The following LEKR1 variants were observed in gnomAD, a reference collection of about 807,000 sequenced individuals.
The protein encoded by LEKR1 is leucine, glutamate and lysine rich 1.
A neutral mutation model predicts 72.4 loss-of-function variants in LEKR1; 59 were observed. That is an observed-to-expected ratio of 0.82 (90% CI 0.66 to 1.01). The LOEUF is 1.01. Ranked by LOEUF, LEKR1 falls within the 50% of genes least tolerant of loss-of-function variation. The pLI is 0.00. For missense variants in LEKR1, 728 were observed against 759.2 expected (o/e 0.96, Z 0.48); for synonymous variants, 257 against 263.2 (o/e 0.98, Z 0.23).
chr3:157,042,330 C>T (rs1032669566), intron 12 of LEKR1, among the ~76,000 whole-genome samples: 12 of 152,134 alleles, frequency 7.9e-5, no homozygotes, highest in African/African-American at 2.4e-5. Context: ...GCAGCGGGCC[C>T]CAGGCAGTCA....
At chr3:156,874,514 C>T (rs547188344) in intron 3 of LEKR1, among the ~76,000 whole-genome samples, 53 of 150,032 alleles carry the variant, frequency 3.5e-4, no homozygotes, top group African/African-American at 1.3e-3. Flanking sequence ...TTTCCCTTGG[C>T]TTGTTATATG....
At chr3:156,844,330 A>G (rs1714299684) in intron 2 of LEKR1, among the ~76,000 whole-genome samples, 1 of 152,110 alleles carries the variant, frequency 6.6e-6, no homozygotes, top group Non-Finnish European at 1.5e-5. Context: ...CATGCAAGGT[A>G]AGAAATAACA....
chr3:156,879,952 TAA>T (rs1286022727), intron 3 of LEKR1, among the ~76,000 whole-genome samples: 1 of 152,208 alleles, frequency 6.6e-6, no homozygotes, highest in African/African-American at 2.4e-5. Context: ...TGTCTAGGCA[TAA>T]GTTTGCTGCA....
chr3:156,913,384 G>A (rs1723296384), intron 3 of LEKR1, among the ~76,000 whole-genome samples: 1 of 151,974 alleles, frequency 6.6e-6, no homozygotes, highest in African/African-American at 2.4e-5. Flanking sequence ...TCCTTTTTCT[G>A]TGGCTATTGT....
intron 3 of LEKR1, among the ~76,000 whole-genome samples, chr3:156,892,208 G>A (rs145361286): frequency 6.6e-6 from 1 of 152,210 alleles, no homozygotes; most frequent in East Asian, 1.9e-4. Context: ...TATGGCAATA[G>A]GTGTAAGATA....
chr3:157,001,126 G>A (rs546783059), intron 9 of LEKR1, among the ~76,000 whole-genome samples: 2 of 152,246 alleles, frequency 1.3e-5, no homozygotes, highest in South Asian at 4.1e-4. Context: ...CCCGTCTCAG[G>A]TATGTCTTTA....
chr3:156,878,429 C>T (rs926684604), intron 3 of LEKR1, among the ~76,000 whole-genome samples: 6 of 152,138 alleles, frequency 3.9e-5, no homozygotes, highest in African/African-American at 1.4e-4. Flanking sequence ...TGTACTTGTA[C>T]AGTTTTAAGC....
At chr3:156,908,772 CT>C (rs1722794727) in intron 3 of LEKR1, among the ~76,000 whole-genome samples, 1 of 119,314 alleles carries the variant, frequency 8.4e-6, no homozygotes, top group South Asian at 2.8e-4. Flanking sequence ...TGCTTCTGAG[CT>C]TTCATTTTTT....
Position 156,992,681 on chromosome 3 carries a change from C to G in LEKR1, c.856C>G (p.Gln286Glu). The G allele has an allele frequency of 9.8e-7, 1 of 1,016,722 alleles. No homozygotes were observed. The highest frequency in any genetic ancestry group is 1.2e-6 in the Non-Finnish European group (1 of 804,740). The allele number at this position is 1,016,722 out of a possible 1,614,324, so 63.0% of individuals were successfully genotyped here. Residue 286 changes from glutamine (Q) to glutamate (E), a missense_variant, in exon 8 of 13, where the codon CAA becomes GAA. Transcript: ENST00000356539. Reference protein sequence around the residue: ...MNKSNEADDCQRELKKLKFES... With the variant: ...MNKSNEADDCERELKKLKFES... ...TAAATCTAATGAAGCTGATGACTGT[C>G]AAAGAGAACTTAAAAAACTGAAGTT...
chr3:156,966,535 C>T (rs976846902), intron 6 of LEKR1, among the ~76,000 whole-genome samples: 1 of 152,184 alleles, frequency 6.6e-6, no homozygotes, highest in Non-Finnish European at 1.5e-5. Flanking sequence ...TCATTGCTAG[C>T]ACAGCAGTCT....
intron 6 of LEKR1, among the ~76,000 whole-genome samples, chr3:156,970,630 G>A (rs968431152): frequency 2.6e-5 from 4 of 152,088 alleles, no homozygotes; most frequent in Non-Finnish European, 4.4e-5. Flanking sequence ...AAGCTGATAG[G>A]CAACTTCAGC....
At chr3:156,833,010 A>G (rs1712622738) in intron 2 of LEKR1, among the ~76,000 whole-genome samples, 1 of 152,244 alleles carries the variant, frequency 6.6e-6, no homozygotes, top group Non-Finnish European at 1.5e-5. Context: ...TGGAGAAATC[A>G]CGTAGAGAGA....
At chr3:156,836,248 A>C (rs1713128586) in intron 2 of LEKR1, among the ~76,000 whole-genome samples, 1 of 152,082 alleles carries the variant, frequency 6.6e-6, no homozygotes, top group Non-Finnish European at 1.5e-5. Context: ...CAGAGTCATA[A>C]ATTTTGAGAA....
At chr3:156,885,167 G>T (rs978058338) in intron 3 of LEKR1, among the ~76,000 whole-genome samples, 1 of 152,032 alleles carries the variant, frequency 6.6e-6, no homozygotes, top group Non-Finnish European at 1.5e-5. Flanking sequence ...TTTCTCTGGA[G>T]AATTTTTCAT....
intron 11 of LEKR1, among the ~76,000 whole-genome samples, chr3:157,026,157 C>T (rs1206933549): frequency 1.3e-5 from 2 of 152,124 alleles, no homozygotes; most frequent in African/African-American, 4.8e-5. Context: ...GCCTTGGCTC[C>T]CCCAAGGTTC....
intron 1 of LEKR1, among the ~76,000 whole-genome samples, chr3:156,828,489 A>T (rs1331174661): frequency 1.2e-5 from 1 of 83,072 alleles, no homozygotes; most frequent in Admixed American, 1.4e-4. Flanking sequence ...CCTGCTATGG[A>T]ATTGTGCCTG....
At chr3:156,846,707 C>A (rs1714644352) in intron 2 of LEKR1, among the ~76,000 whole-genome samples, 1 of 152,198 alleles carries the variant, frequency 6.6e-6, no homozygotes, top group Non-Finnish European at 1.5e-5. Context: ...GTATTTCATA[C>A]TGCTATCACT....
intron 12 of LEKR1, among the ~76,000 whole-genome samples, chr3:157,037,861 G>T (rs2108044998): frequency 6.6e-6 from 1 of 152,220 alleles, no homozygotes; most frequent in South Asian, 2.1e-4. Flanking sequence ...AACACTCCAG[G>T]CAAAGGTAAT....
chr3:156,894,440 C>T (rs1363319426), intron 3 of LEKR1, among the ~76,000 whole-genome samples: 1 of 152,138 alleles, frequency 6.6e-6, no homozygotes, highest in Non-Finnish European at 1.5e-5. Flanking sequence ...TGCATCTATT[C>T]TTGGTGACTC....
Sources: gnomAD v4.1 joint callset for allele counts (sites outside exome capture counted in the v4.1 genomes callset) on GRCh38, gnomAD v4.1.1 for gene constraint, MANE v1.5 for transcripts, NCBI Gene and HGNC (gene_info 2026-07-23, HGNC 2026-07-21) for gene names.